The following WDR4 variants were observed in gnomAD, a reference collection of about 807,000 sequenced individuals.
WDR4 encodes the protein tRNA (guanine-N(7)-)-methyltransferase non-catalytic subunit WDR4.
In WDR4, 47 loss-of-function variants were observed where a neutral mutation model predicts 48.6. The observed-to-expected ratio is 0.97, with a 90% CI of 0.77 to 1.23. WDR4 has a LOEUF of 1.23. WDR4 is among the 50% of genes most tolerant of loss of function. The pLI is 0.00. For missense variants in WDR4, 606 were observed against 551.6 expected (o/e 1.10, Z -0.99); for synonymous variants, 268 against 230.0 (o/e 1.17, Z -1.49).
At chr21:42,859,490 G>A (rs929864283) in intron 6 of WDR4, among the ~76,000 whole-genome samples, 172 bp downstream of exon 6, 2 of 151,994 alleles carry the variant, frequency 1.3e-5, no homozygotes, top group African/African-American at 2.4e-5. Context: ...ACGCAGTCCT[G>A]AGTGAGCGGC....
upstream of WDR4, among the ~76,000 whole-genome samples, chr21:42,882,783 G>A (rs1034284368): frequency 1.1e-4 from 17 of 150,960 alleles, no homozygotes; most frequent in African/African-American, 3.9e-4. Flanking sequence ...GCCAACATGG[G>A]GAAACCCCAT....
intron 5 of WDR4, among the ~76,000 whole-genome samples, chr21:42,860,176 G>A (rs1176153912): frequency 1.3e-5 from 2 of 152,186 alleles, no homozygotes; most frequent in African/African-American, 4.8e-5. Flanking sequence ...ACAGCACACA[G>A]GGAGGAGGGT....
chr21:42,874,385 G>A (rs1192066560), intron 2 of WDR4, among the ~76,000 whole-genome samples: 2 of 152,152 alleles, frequency 1.3e-5, no homozygotes, highest in African/African-American at 4.8e-5. Context: ...ACAAATTGTA[G>A]AGCATGTGTG....
rs2146034392 is a variant in WDR4 at position 42,859,710 on chromosome 21, A to G, written c.579T>C (p.Arg193=). ...FCLGHTEFVS[R]ISVVPTQPGL... is the part of the protein sequence containing the mutation. ...CGGGCTGAGTTGGCACCACGGAGAT[A>G]CGGCTCACAAACCTGTGAGGGCGAG... The change falls in exon 6 of 11, where the codon CGT becomes CGC. Residue 193 remains arginine, a synonymous_variant. Coordinates refer to ENST00000398208, the MANE Select transcript of WDR4 (RefSeq NM_018669.6). 1 of 1,561,434 alleles carries G rather than the reference A, an allele frequency of 6.4e-7. No individual in the cohort carries two copies.
chr21:42,871,092 C>T (rs2058360372), intron 3 of WDR4, among the ~76,000 whole-genome samples: 1 of 152,088 alleles, frequency 6.6e-6, no homozygotes, highest in African/African-American at 2.4e-5. Flanking sequence ...CTTTCAGGAA[C>T]AGGAAATGAG....
chr21:42,879,688 T>C (rs2058589607), upstream of WDR4: 4 of 610,258 alleles, frequency 6.6e-6, no homozygotes, highest in South Asian at 9.1e-5. Flanking sequence ...CTGGTGGCCT[T>C]CGGTGTTTCG....
chr21:42,884,935 C>T, the WDR4 span, among the ~76,000 whole-genome samples: 23 of 152,214 alleles, frequency 1.5e-4, no homozygotes, highest in African/African-American at 5.3e-4. Flanking sequence ...GCCACCACAC[C>T]CAGCTAATTT....
chr21:42,879,374 G>T, intron 1 of WDR4, 33 bp downstream of exon 1: 3 of 1,606,552 alleles, frequency 1.9e-6, no homozygotes, highest in Non-Finnish European at 2.6e-6. Context: ...CCCGCAGCCT[G>T]GTCTCCCTGT....
intron 8 of WDR4, 38 bp from the exon 9 acceptor site, chr21:42,853,790 CA>C (rs2057907545): frequency 1.3e-6 from 2 of 1,530,096 alleles, no homozygotes; most frequent in Non-Finnish European, 1.8e-6. Flanking sequence ...ACTAGGACTG[CA>C]GGCCCACGGG....
intron 3 of WDR4, among the ~76,000 whole-genome samples, chr21:42,869,639 A>C (rs1311885587): frequency 2.0e-5 from 3 of 151,998 alleles, no homozygotes; most frequent in South Asian, 2.1e-4. Flanking sequence ...CAAATAAACA[A>C]CACCCCAATG....
chr21:42,878,833 T>G (rs990636279), intron 1 of WDR4, among the ~76,000 whole-genome samples: 2 of 152,114 alleles, frequency 1.3e-5, no homozygotes, highest in Admixed American at 6.5e-5. Context: ...CGTGCACCCT[T>G]GGGTTGGGTA....
the WDR4 span, among the ~76,000 whole-genome samples, chr21:42,891,276 TGCCCCTGC>T: frequency 6.6e-6 from 1 of 150,668 alleles, no homozygotes; most frequent in Non-Finnish European, 1.5e-5. Context: ...AAGCCGAGAT[TGCCCCTGC>T]GCCACTGCAC....
intron 3 of WDR4, among the ~76,000 whole-genome samples, chr21:42,869,584 G>A (rs540915140): frequency 6.6e-6 from 1 of 152,092 alleles, no homozygotes; most frequent in Admixed American, 6.5e-5. Flanking sequence ...TTGGGAGATG[G>A]GCTTATTTTG....
chr21:42,865,162 A>T (rs1003239945), intron 3 of WDR4, among the ~76,000 whole-genome samples: 11 of 152,264 alleles, frequency 7.2e-5, no homozygotes, highest in Admixed American at 7.2e-4. Flanking sequence ...ACAGCTGTGC[A>T]GCAGAGCTGC....
intron 3 of WDR4, among the ~76,000 whole-genome samples, 156 bp downstream of exon 3, chr21:42,873,395 C>T (rs1474192881): frequency 6.6e-6 from 1 of 151,984 alleles, no homozygotes; most frequent in East Asian, 1.9e-4. Flanking sequence ...TCAGCCAACA[C>T]ACATGTGGCA....
Position 42,850,060 on chromosome 21 carries a change from G to A in WDR4, c.1228C>T (p.Leu410=), listed in dbSNP as rs2145989028. The A allele has an allele frequency of 6.2e-7, 1 of 1,613,878 alleles. No individual in the cohort carries two copies. Among genetic ancestry groups the A allele is most frequent in the Non-Finnish European group, 8.5e-7 (1 of 1,179,926 alleles). The change falls in exon 11 of 11, where the codon CTA becomes TTA. Residue 410 remains leucine, a synonymous_variant. Coordinates refer to ENST00000398208, the MANE Select transcript of WDR4 (RefSeq NM_018669.6). ...AKKMRPGEAT[L]SC Reference sequence around the variant, plus strand: ...ACTGACCGCCACGATCAGCAACTTAGCGTCGCCTCCCCCGGTCTCATCTTC... The same window carrying A: ...ACTGACCGCCACGATCAGCAACTTAACGTCGCCTCCCCCGGTCTCATCTTC...
At chr21:42,845,235 A>T (rs533843523), downstream of WDR4, among the ~76,000 whole-genome samples, 3 of 152,376 alleles carry the variant, frequency 2.0e-5, no homozygotes, top group Non-Finnish European at 4.4e-5. Context: ...CAGAAACCAG[A>T]AACAACAACA....
At chr21:42,875,714 T>C (rs1223376865) in intron 2 of WDR4, among the ~76,000 whole-genome samples, 1 of 152,042 alleles carries the variant, frequency 6.6e-6, no homozygotes, top group African/African-American at 2.4e-5. Flanking sequence ...CAAAAAATAA[T>C]AATAACGATA....
intron 1 of WDR4, among the ~76,000 whole-genome samples, chr21:42,878,062 A>G (rs866448702): frequency 2.0e-5 from 3 of 151,938 alleles, no homozygotes; most frequent in African/African-American, 4.8e-5. Flanking sequence ...AAAAAGAAAA[A>G]AAAGAAATTA....
Sources: gnomAD v4.1 joint callset for allele counts (sites outside exome capture counted in the v4.1 genomes callset) on GRCh38, gnomAD v4.1.1 for gene constraint, MANE v1.5 for transcripts, NCBI Gene and HGNC (gene_info 2026-07-23, HGNC 2026-07-21) for gene names.